TRMT11: variants seen among roughly 807,000 people sequenced by gnomAD.
TRMT11 encodes the protein tRNA (guanine(10)-N(2))-methyltransferase TRMT11.
In TRMT11, 53 loss-of-function variants were observed where a neutral mutation model predicts 62.8. The ratio of observed to expected loss-of-function variants is 0.84; its 90% CI spans 0.68 to 1.06. TRMT11 has a LOEUF of 1.06. Ranked by LOEUF, TRMT11 falls within the 50% of genes least tolerant of loss-of-function variation. The probability of loss-of-function intolerance (pLI) is 0.00; values close to 1 mark genes in which losing one functional copy is unlikely to be tolerated. For synonymous variants in TRMT11, 188 were observed against 190.3 expected (o/e 0.99, Z 0.10); for missense variants, 556 against 553.4 (o/e 1.00, Z -0.05).
intron 12 of TRMT11, among the ~76,000 whole-genome samples, chr6:126,036,960 C>T (rs1159275530): frequency 6.6e-6 from 1 of 151,984 alleles, no homozygotes; most frequent in Non-Finnish European, 1.5e-5. Context: ...CTTACACCTC[C>T]TCTTGATATG....
chr6:126,083,191 C>T (rs562369746), intron 17 of TRMT11, among the ~76,000 whole-genome samples: 1 of 152,258 alleles, frequency 6.6e-6, no homozygotes, highest in East Asian at 1.9e-4. Context: ...TTCTTTCGGT[C>T]CCTGACAAAC....
At chr6:126,079,053 G>GAAA (rs1013244057) in intron 17 of TRMT11, among the ~76,000 whole-genome samples, 34 of 152,250 alleles carry the variant, frequency 2.2e-4, no homozygotes, top group African/African-American at 7.5e-4. Flanking sequence ...CTCAGCTGGT[G>GAAA]AGTCCCTGGA....
intron 17 of TRMT11, among the ~76,000 whole-genome samples, chr6:126,053,550 G>A (rs918161323): frequency 6.6e-6 from 1 of 152,162 alleles, no homozygotes; most frequent in Non-Finnish European, 1.5e-5. Flanking sequence ...AGCCTGCTGA[G>A]ATTATTCAAA....
intron 21 of TRMT11, among the ~76,000 whole-genome samples, chr6:126,156,473 C>G (rs1183966055): frequency 6.6e-6 from 1 of 152,262 alleles, no homozygotes; most frequent in Non-Finnish European, 1.5e-5. Flanking sequence ...CTCCTGCAGT[C>G]TGTGCACCTG....
chr6:126,184,456 C>T (rs1307324678), intron 1 of TRMT11, among the ~76,000 whole-genome samples: 1 of 152,108 alleles, frequency 6.6e-6, no homozygotes, highest in Non-Finnish European at 1.5e-5. Context: ...CTATACTATG[C>T]CAGAAACATT....
intron 17 of TRMT11, among the ~76,000 whole-genome samples, chr6:126,085,368 T>C (rs1312543400): frequency 6.6e-6 from 1 of 152,186 alleles, no homozygotes; most frequent in African/African-American, 2.4e-5. Flanking sequence ...TCTAGATCAT[T>C]AGTTATTTAG....
intron 17 of TRMT11, among the ~76,000 whole-genome samples, chr6:126,064,337 C>A (rs1228765638): frequency 1.3e-5 from 2 of 152,138 alleles, no homozygotes; most frequent in Non-Finnish European, 2.9e-5. Flanking sequence ...CTGTGGACCC[C>A]TTTAAGCACT....
Position 126,049,748 on chromosome 6 carries a change from A to G in TRMT11, c.*1370-3375A>G, listed in dbSNP as rs545605985. The stretch of plus-strand genomic sequence containing the variant: ...ATGAGAATTTTCTTCAGAGTAGAAT[A>G]TTTAATAAAGATTTCACAGAAGATG... On this transcript the variant is annotated intron_variant and NMD_transcript_variant, in intron 16 of 22. Coordinates refer to the TRMT11 transcript ENST00000648977. Among the ~76,000 whole-genome samples, 3 of 152,360 alleles carry G rather than the reference A, an allele frequency of 2.0e-5. No individual in the cohort carries two copies. In the South Asian group the frequency reaches 6.2e-4, roughly 32 times the overall value.
chr6:126,169,098 T>C (rs1420677442), intron 21 of TRMT11, among the ~76,000 whole-genome samples: 1 of 152,176 alleles, frequency 6.6e-6, no homozygotes, highest in East Asian at 1.9e-4. Flanking sequence ...GGAATGCAGG[T>C]GCATGTGGTA....
At chr6:126,196,325 G>A (rs1183117647) in intron 1 of TRMT11, among the ~76,000 whole-genome samples, 2 of 151,932 alleles carry the variant, frequency 1.3e-5, no homozygotes, top group African/African-American at 2.4e-5. Flanking sequence ...CTTCTTTTAC[G>A]CTTTACACAG....
At chr6:126,219,820 C>T in the TRMT11 span, among the ~76,000 whole-genome samples, 3 of 152,264 alleles carry the variant, frequency 2.0e-5, no homozygotes, top group East Asian at 1.9e-4. Flanking sequence ...TAATGTTCTA[C>T]GTATTCTTCT....
the TRMT11 span, among the ~76,000 whole-genome samples, chr6:126,210,560 G>A: frequency 1.3e-5 from 2 of 152,160 alleles, no homozygotes; most frequent in Non-Finnish European, 2.9e-5. Context: ...TGAATTTGTG[G>A]TAATTTGTGA....
intron 17 of TRMT11, among the ~76,000 whole-genome samples, chr6:126,068,228 A>G (rs1436137838): frequency 6.6e-6 from 1 of 152,012 alleles, no homozygotes; most frequent in Non-Finnish European, 1.5e-5. Context: ...CTTGTATTAT[A>G]GCTTTTTACT....
At chr6:126,183,478 G>A (rs1778491380) in intron 1 of TRMT11, among the ~76,000 whole-genome samples, 1 of 152,158 alleles carries the variant, frequency 6.6e-6, no homozygotes, top group Non-Finnish European at 1.5e-5. Context: ...TCCCCAAAGT[G>A]TGCAGCTATC....
the TRMT11 span, among the ~76,000 whole-genome samples, chr6:126,222,582 T>G: frequency 2.0e-5 from 3 of 152,182 alleles, no homozygotes; most frequent in African/African-American, 7.2e-5. Context: ...TCTTTTTTTT[T>G]GGCTATCGTG....
chr6:126,120,948 C>G (rs1476235749), intron 21 of TRMT11, among the ~76,000 whole-genome samples: 1 of 152,100 alleles, frequency 6.6e-6, no homozygotes, highest in Non-Finnish European at 1.5e-5. Context: ...GCCTCACTGC[C>G]TTGGTACCAT....
intron 21 of TRMT11, among the ~76,000 whole-genome samples, chr6:126,157,129 T>C (rs1778131158): frequency 6.6e-6 from 1 of 152,184 alleles, no homozygotes; most frequent in African/African-American, 2.4e-5. Flanking sequence ...CATAGACTGC[T>C]CTCTGTCCCT....
intron 7 of TRMT11, among the ~76,000 whole-genome samples, chr6:126,004,637 C>A (rs1793067817): frequency 6.6e-6 from 1 of 151,944 alleles, no homozygotes; most frequent in African/African-American, 2.4e-5. Flanking sequence ...TTTCACAAAA[C>A]ATTTGTTGAT....
chr6:126,221,017 G>A, the TRMT11 span, among the ~76,000 whole-genome samples: 3 of 152,072 alleles, frequency 2.0e-5, no homozygotes, highest in Admixed American at 6.6e-5. Flanking sequence ...GTGGTATTTG[G>A]TTTTCTGTTC....
Sources: allele counts gnomAD v4.1 joint callset (sites outside exome capture counted in the v4.1 genomes callset), GRCh38; gene constraint gnomAD v4.1.1; transcripts MANE v1.5; gene names NCBI Gene and HGNC (gene_info 2026-07-23, HGNC 2026-07-21).